IMPA2: variants seen among roughly 807,000 people sequenced by gnomAD.
IMPA2 encodes the protein inositol monophosphatase 2, also known as IMP 2.
IMPA2 carries 32 observed loss-of-function variants against 35.1 expected under a neutral mutation model. The ratio of observed to expected loss-of-function variants is 0.91; its 90% confidence interval spans 0.69 to 1.23. IMPA2 has a LOEUF of 1.23. Among genes scored for constraint, IMPA2 ranks in the 50% most tolerant of loss-of-function variants. IMPA2 has a pLI of 0.00. For synonymous variants in IMPA2, 135 were observed against 160.6 expected (o/e 0.84, Z 1.20); for missense variants, 334 against 387.6 (o/e 0.86, Z 1.16).
intron 2 of IMPA2, among the ~76,000 whole-genome samples, chr18:12,008,763 G>A (rs1213377761): frequency 6.6e-6 from 1 of 152,222 alleles, no homozygotes; most frequent in Non-Finnish European, 1.5e-5. Flanking sequence ...GGCAAGTAGA[G>A]AAAACCAGGA....
At chr18:11,992,981 G>A (rs920469929) in intron 1 of IMPA2, among the ~76,000 whole-genome samples, 3 of 152,140 alleles carry the variant, frequency 2.0e-5, no homozygotes, top group Non-Finnish European at 1.5e-5. Flanking sequence ...TATTTGCAAC[G>A]TGTACATTGT....
intron 5 of IMPA2, among the ~76,000 whole-genome samples, chr18:12,018,588 C>G (rs867695764): frequency 1.3e-5 from 2 of 152,014 alleles, no homozygotes; most frequent in African/African-American, 4.8e-5. Context: ...TTACTGAAGG[C>G]CTTTAAAACA....
intron 2 of IMPA2, among the ~76,000 whole-genome samples, chr18:12,009,289 C>CAAA (rs575163199): frequency 0.018 from 2,757 of 151,978 alleles, 50 homozygotes; most frequent in African/African-American, 0.043. Flanking sequence ...AAAACAACAA[C>CAAA]AAAAAAACCA....
chr18:12,020,179 T>TTG (rs1555646710), intron 5 of IMPA2, among the ~76,000 whole-genome samples: 13 of 151,118 alleles, frequency 8.6e-5, no homozygotes, highest in African/African-American at 1.5e-4. Flanking sequence ...GGCCTTTATT[T>TTG]ATTGATTGAT....
chr18:11,990,521 A>G (rs780737015), intron 1 of IMPA2, among the ~76,000 whole-genome samples: 2 of 152,054 alleles, frequency 1.3e-5, no homozygotes, highest in Non-Finnish European at 1.5e-5. Context: ...TTGAGGTGGG[A>G]GAGGTCAGGA....
chr18:11,984,900 G>A (rs1185968896), intron 1 of IMPA2, among the ~76,000 whole-genome samples: 9 of 151,344 alleles, frequency 5.9e-5, no homozygotes, highest in African/African-American at 1.9e-4. Context: ...CCCGGGAGGC[G>A]GAGTTTGCAG....
At chr18:12,022,664 A>G (rs950645408) in intron 5 of IMPA2, among the ~76,000 whole-genome samples, 4 of 151,074 alleles carry the variant, frequency 2.6e-5, no homozygotes, top group Non-Finnish European at 4.4e-5. Context: ...AAATAATCAT[A>G]AGATAATATT....
chr18:12,020,673 CT>C (rs1907704551), intron 5 of IMPA2, among the ~76,000 whole-genome samples: 1 of 147,876 alleles, frequency 6.8e-6, no homozygotes, highest in Non-Finnish European at 1.5e-5. Flanking sequence ...AAAAAGTTTC[CT>C]CTTTTTCACC....
chr18:12,016,593 A>T (rs1477109970), intron 5 of IMPA2, among the ~76,000 whole-genome samples: 2 of 151,844 alleles, frequency 1.3e-5, no homozygotes, highest in Non-Finnish European at 2.9e-5. Context: ...CTAATTTTGT[A>T]TTTTTAGTAG....
intron 5 of IMPA2, among the ~76,000 whole-genome samples, chr18:12,023,073 G>T (rs190642441): frequency 6.6e-6 from 1 of 151,054 alleles, no homozygotes; most frequent in Non-Finnish European, 1.5e-5. Flanking sequence ...GGGATTACAG[G>T]CATGAGCCAC....
chr18:12,027,378 C>T (rs1386088761), intron 5 of IMPA2, among the ~76,000 whole-genome samples: 1 of 152,182 alleles, frequency 6.6e-6, no homozygotes, highest in Non-Finnish European at 1.5e-5. Flanking sequence ...CCCCTGCATC[C>T]AGAGGGCTCA....
chr18:12,018,479 G>T lies in IMPA2; in HGVS notation c.490+4106G>T, dbSNP rs888361267. On this transcript the variant is annotated intron_variant, in intron 5 of 7. Coordinates refer to ENST00000269159, the MANE Select transcript of IMPA2 (RefSeq NM_014214.3). ...CGCCACCACTGTCCTGTGTGCTGAT[G>T]CTTCTCCAGTCATTCTGGTTGTGTG... Among the ~76,000 whole-genome samples, 42 of 152,298 alleles carry T rather than the reference G, an allele frequency of 2.8e-4. 1 individual carries two copies. The highest frequency in any genetic ancestry group is 4.6e-4 in the Admixed American group (7 of 15,290).
chr18:11,983,605 G>T (rs1202430109), intron 1 of IMPA2, among the ~76,000 whole-genome samples: 5 of 152,148 alleles, frequency 3.3e-5, no homozygotes, highest in African/African-American at 1.2e-4. Context: ...TTATGTTTTT[G>T]CAACTTGCCA....
chr18:12,012,768 C>T (rs1263818818), intron 4 of IMPA2, among the ~76,000 whole-genome samples: 1 of 152,186 alleles, frequency 6.6e-6, no homozygotes, highest in Admixed American at 6.5e-5. Flanking sequence ...TGAGAAGAGC[C>T]TTAATTTCTT....
In IMPA2 at chr18:11,994,569, A is replaced by G. The variant is rs186607145; in HGVS notation, c.97-4485A>G. On this transcript the variant is annotated intron_variant, in intron 1 of 7. Coordinates refer to ENST00000269159, the MANE Select transcript of IMPA2 (RefSeq NM_014214.3). ...ACAGCTGTGTATGTTTTGAATGTGGAAAACTGAGTGTATAAATACCAGTGA... is the reference window on the plus strand; with the variant it reads ...ACAGCTGTGTATGTTTTGAATGTGGGAAACTGAGTGTATAAATACCAGTGA... 1.7e-4 allele frequency among the ~76,000 whole-genome samples: 26 copies of G among 152,354 alleles called. No homozygotes were observed. In the East Asian group the frequency reaches 4.8e-3, roughly 28 times the overall value.
intron 2 of IMPA2, among the ~76,000 whole-genome samples, chr18:12,001,545 T>A (rs1907116549): frequency 6.6e-6 from 1 of 152,120 alleles, no homozygotes. Context: ...AACCCACTGT[T>A]GGGTTAATGT....
At chr18:12,008,289 C>T in intron 2 of IMPA2, 1 of 511,006 alleles carries the variant, frequency 2.0e-6, no homozygotes, top group Non-Finnish European at 3.9e-6. Context: ...AGCCACCGCG[C>T]CTTGCTTGTT....
intron 2 of IMPA2, among the ~76,000 whole-genome samples, chr18:12,008,020 G>A (rs62099915): frequency 0.048 from 7,196 of 151,272 alleles, 239 homozygotes; most frequent in South Asian, 0.077. Context: ...GGAGTGCAGC[G>A]GTGTGATCTC....
rs1368486798 is a variant in IMPA2 at position 12,030,694 on chromosome 18, AC to A, written c.*237del. The stretch of plus-strand genomic sequence containing the variant: ...CTCACGTAGCCTTTTTCAGGTTAGT[AC>A]GTGTTCTTCTGTCAGGGCCAAAACT... On this transcript the variant is annotated 3_prime_UTR_variant, in exon 8 of 8. Coordinates refer to ENST00000269159, the MANE Select transcript of IMPA2 (RefSeq NM_014214.3). 2 of 510,858 alleles carry A rather than the reference AC, an allele frequency of 3.9e-6. No homozygotes were observed. The highest frequency in any genetic ancestry group is 3.9e-5 in the African/African-American group (2 of 51,778). The allele number at this position is 510,858 out of a possible 1,614,324, so 31.6% of individuals were successfully genotyped here.
Sources: allele counts gnomAD v4.1 joint callset (sites outside exome capture counted in the v4.1 genomes callset), GRCh38; gene constraint gnomAD v4.1.1; transcripts MANE v1.5; gene names NCBI Gene and HGNC (gene_info 2026-07-23, HGNC 2026-07-21).